ABHD2: variants seen among roughly 807,000 people sequenced by gnomAD.
The protein encoded by ABHD2 is monoacylglycerol lipase ABHD2.
In ABHD2, 20 loss-of-function variants were observed where a neutral mutation model predicts 48.1. The ratio of observed to expected loss-of-function variants is 0.42; its 90% CI spans 0.29 to 0.60. The LOEUF (loss-of-function observed/expected upper bound fraction) is 0.60, where lower values mean the gene tolerates loss of function less well. Ranked by LOEUF, ABHD2 falls within the 20% of genes least tolerant of loss-of-function variation. ABHD2 has a pLI of 0.24. For missense variants in ABHD2, 405 were observed against 550.9 expected, an observed-to-expected ratio of 0.74 and a Z score of 2.65; for synonymous variants, 209 against 214.2, an observed-to-expected ratio of 0.98 and a Z score of 0.21.
the ABHD2 span, among the ~76,000 whole-genome samples, chr15:89,047,620 C>T: frequency 6.6e-6 from 1 of 150,954 alleles, no homozygotes; most frequent in Non-Finnish European, 1.5e-5. Flanking sequence ...GTCAGCTCTT[C>T]TTGTTGAATT....
the ABHD2 span, among the ~76,000 whole-genome samples, chr15:89,053,472 T>C: frequency 1.3e-5 from 2 of 152,210 alleles, no homozygotes; most frequent in African/African-American, 2.4e-5. Flanking sequence ...AGCCAACTGC[T>C]GACTGAGCAG....
the ABHD2 span, among the ~76,000 whole-genome samples, chr15:89,068,023 T>C: frequency 6.6e-6 from 1 of 152,120 alleles, no homozygotes; most frequent in Non-Finnish European, 1.5e-5. Context: ...GAAGGGAGAA[T>C]TTCTTTCTCA....
chr15:89,053,532 A>T, the ABHD2 span, among the ~76,000 whole-genome samples: 1 of 152,162 alleles, frequency 6.6e-6, no homozygotes. Context: ...AGCAGCTACC[A>T]ATACTAACCA....
chr15:89,108,687 C>T (rs749829519), intron 1 of ABHD2, among the ~76,000 whole-genome samples: 19 of 152,300 alleles, frequency 1.2e-4, no homozygotes, highest in Non-Finnish European at 1.5e-4. Flanking sequence ...ATCACGATCC[C>T]ATGCAGGTGG....
the ABHD2 span, among the ~76,000 whole-genome samples, chr15:89,070,607 G>A: frequency 2.0e-5 from 3 of 152,140 alleles, no homozygotes; most frequent in African/African-American, 7.2e-5. Flanking sequence ...AGCAGATCTG[G>A]GGGAAGGCCT....
chr15:89,063,891 T>C, the ABHD2 span, among the ~76,000 whole-genome samples: 1 of 152,078 alleles, frequency 6.6e-6, no homozygotes, highest in Non-Finnish European at 1.5e-5. Flanking sequence ...GTTCCACCTC[T>C]GAAACCACCT....
chr15:89,109,799 A>G, intron 1 of ABHD2, among the ~76,000 whole-genome samples: 1 of 152,194 alleles, frequency 6.6e-6, no homozygotes, highest in East Asian at 1.9e-4. Context: ...ATGCACGTAC[A>G]TGCACACACT....
At position 89,130,005 on chromosome 15, in the gene ABHD2, T is replaced by C. The variant is rs543953299; in HGVS notation, c.194+13484T>C. Among the ~76,000 whole-genome samples the C allele has an allele frequency of 1.7e-3, 259 of 152,310 alleles. 14 individuals are homozygous for C. In the South Asian group the frequency reaches 0.052, roughly 31 times the overall value. On this transcript the variant is annotated intron_variant, in intron 3 of 10. Transcript: ENST00000352732. ...CATCAGTGGGTAAGTGGGTAAAAGA[T>C]GTGCCTAGATAAATTCCACATAAGG...
chr15:89,076,931 A>C, the ABHD2 span, among the ~76,000 whole-genome samples: 1 of 152,194 alleles, frequency 6.6e-6, no homozygotes, highest in African/African-American at 2.4e-5. Flanking sequence ...TGTTCTCTGG[A>C]TCACTCTGTG....
At position 89,201,805 on chromosome 15, in the gene ABHD2, G is replaced by T; in HGVS notation, c.*6382G>T. On this transcript the variant is annotated 3_prime_UTR_variant, in exon 11 of 11. Coordinates refer to ENST00000352732, the MANE Select transcript of ABHD2 (RefSeq NM_152924.5). ...GTGGCCCCGGAGGCAGACGCCATTG[G>T]AGAGACAGCGCAGAGCAGGGGGCGG... 7.4e-7 allele frequency: 1 copy of T among 1,358,430 alleles called. No homozygotes were observed. The highest frequency in any genetic ancestry group is 1.0e-6 in the Non-Finnish European group (1 of 953,890). 84.1% of individuals were successfully genotyped at this position (1,358,430 alleles called of 1,614,324 possible). A position where few individuals can be genotyped will look rare whatever the true frequency, so the allele number is the denominator to read the frequency against.
the ABHD2 span, among the ~76,000 whole-genome samples, chr15:89,079,744 G>C: frequency 6.6e-6 from 1 of 152,218 alleles, no homozygotes; most frequent in African/African-American, 2.4e-5. The surrounding 1 kb of genome is among the most constrained non-coding windows in gnomAD (Gnocchi z 4.3). Context: ...AGAACAGTGA[G>C]AGTCAATAAC....
In ABHD2 at chr15:89,201,740, T is replaced by C; in HGVS notation, c.*6317T>C. 6.3e-7 allele frequency: 1 copy of C among 1,578,936 alleles called. No homozygotes were observed. The highest frequency in any genetic ancestry group is 1.1e-5 in the South Asian group (1 of 90,348). ...TGAAGGGGCCTTTGAATTTGAGGTC[T>C]ATGGGCGGGTCGAGGACCAGGATCT... is the stretch of plus-strand genomic sequence containing the variant. On this transcript the variant is annotated 3_prime_UTR_variant, in exon 11 of 11. Transcript: ENST00000352732.
the ABHD2 span, among the ~76,000 whole-genome samples, chr15:89,059,276 C>G: frequency 7.2e-5 from 11 of 152,300 alleles, no homozygotes; most frequent in African/African-American, 2.6e-4. Flanking sequence ...CCACTTGACA[C>G]CCACTCACAT....
At chr15:89,143,756 C>T (rs1192134112) in intron 3 of ABHD2, among the ~76,000 whole-genome samples, 1 of 151,648 alleles carries the variant, frequency 6.6e-6, no homozygotes, top group Non-Finnish European at 1.5e-5. Flanking sequence ...AAGGAAATGG[C>T]CTCAAGTCAA....
rs1309465967 is a variant in ABHD2 at position 89,198,577 on chromosome 15, AC to A, written c.*3156del. ...ACACTTACTGGGAACCTTATGATTC[AC>A]CGTAAGAGTGGAAATATACCTGAGT... On this transcript the variant is annotated 3_prime_UTR_variant, in exon 11 of 11. Transcript: ENST00000352732. This position sits in a 1 kb window ranked among gnomAD's most constrained non-coding sequence, Gnocchi z 5.1. 1 of 152,206 alleles carries A rather than the reference AC, an allele frequency of 6.6e-6. No individual in the cohort carries two copies. Among genetic ancestry groups the A allele is most frequent in the Non-Finnish European group, 1.5e-5 (1 of 68,040 alleles). The allele number at this position is 152,206 out of a possible 1,614,324, so 9.4% of individuals were successfully genotyped here.
At chr15:89,193,194 G>A (rs1412618859) in intron 9 of ABHD2, 41 bp from the exon 10 acceptor site, 1 of 1,587,670 alleles carries the variant, frequency 6.3e-7, no homozygotes, top group Non-Finnish European at 8.7e-7. Context: ...GTCTGAAAAT[G>A]GGAATCAGTA....
chr15:89,190,261 C>T (rs1170162139), intron 8 of ABHD2, among the ~76,000 whole-genome samples: 1 of 152,286 alleles, frequency 6.6e-6, no homozygotes, highest in East Asian at 1.9e-4. Context: ...CTCCTGGTGT[C>T]GGAGCTCCAG....
rs1243367661 is a variant in ABHD2, at chr15:89,199,595, C to T, written c.*4172C>T. Reference sequence around the variant, plus strand: ...TCCTTGTTATCTTATGCCCCCACCCCTCCCTCAACAATATGAGTGATCCAG... The same window carrying T: ...TCCTTGTTATCTTATGCCCCCACCCTTCCCTCAACAATATGAGTGATCCAG... On this transcript the variant is annotated 3_prime_UTR_variant, in exon 11 of 11. Transcript: ENST00000352732. The surrounding 1 kb of genome is among the most constrained non-coding windows in gnomAD (Gnocchi z 4.1). The T allele has an allele frequency of 6.6e-6, 1 of 152,566 alleles. No individual in the cohort carries two copies. Among genetic ancestry groups the T allele is most frequent in the Non-Finnish European group, 1.5e-5 (1 of 68,042 alleles). The allele number at this position is 152,566 out of a possible 1,614,324, so 9.5% of individuals were successfully genotyped here. A position where few individuals can be genotyped will look rare whatever the true frequency, so the allele number is the denominator to read the frequency against.
chr15:89,145,241 G>A (rs2050471717), intron 3 of ABHD2, among the ~76,000 whole-genome samples: 1 of 152,232 alleles, frequency 6.6e-6, no homozygotes, highest in Non-Finnish European at 1.5e-5. Flanking sequence ...GGGCTACAGA[G>A]TGAGACTCCA....
Sources: allele counts gnomAD v4.1 joint callset (sites outside exome capture counted in the v4.1 genomes callset), GRCh38; gene constraint gnomAD v4.1.1; non-coding constraint Gnocchi (gnomAD v3.1); transcripts MANE v1.5; gene names NCBI Gene and HGNC (gene_info 2026-07-23, HGNC 2026-07-21).